Variants in EPG5 observed in about 807,000 individuals in gnomAD.
EPG5 encodes the protein ectopic P granules protein 5 homolog.
Under a neutral mutation model 302.7 loss-of-function variants are expected in EPG5, and 159 were observed. The observed-to-expected ratio is 0.53, with a 90% confidence interval of 0.46 to 0.60. The LOEUF (loss-of-function observed/expected upper bound fraction) is 0.60. EPG5 is among the 20% of genes least tolerant of loss of function. The pLI is 0.00. For synonymous variants in EPG5, 1,158 were observed against 1,136.8 expected (o/e 1.02, Z -0.37); for missense variants, 2,896 against 3,092.4 (o/e 0.94, Z 1.51).
At chr18:45,868,223 T>A (rs1178087249) in intron 36 of EPG5, 10 of 453,944 alleles carry the variant, frequency 2.2e-5, no homozygotes, top group Non-Finnish European at 4.0e-5. Context: ...AGGTATGGGT[T>A]GGGAGCCAGA....
intron 27 of EPG5, among the ~76,000 whole-genome samples, chr18:45,892,417 A>T (rs1298509629): frequency 6.6e-6 from 1 of 152,192 alleles, no homozygotes; most frequent in African/African-American, 2.4e-5. Flanking sequence ...TGGACACAGA[A>T]ATTTAAAAGT....
the EPG5 span, chr18:45,837,009 T>A: frequency 0.17 from 203,656 of 1,217,036 alleles, 24,085 homozygotes; most frequent in Admixed American, 0.44. Context: ...TAACCCGGGG[T>A]TAACTGTGTT....
At chr18:45,837,421 G>C in the EPG5 span, 17 of 1,386,908 alleles carry the variant, frequency 1.2e-5, no homozygotes, top group Non-Finnish European at 1.6e-5. Flanking sequence ...GGGGTTGGGG[G>C]AGCGTTTCCT....
intron 1 of EPG5, among the ~76,000 whole-genome samples, chr18:45,959,337 T>C (rs1174122356): frequency 6.7e-6 from 1 of 150,264 alleles, no homozygotes; most frequent in African/African-American, 2.5e-5. Flanking sequence ...TCAGACTCCA[T>C]CTCACAAAAT....
chr18:45,915,702 G>T, intron 19 of EPG5, 81 bp from the exon 20 acceptor site: 1 of 1,024,760 alleles, frequency 9.8e-7, no homozygotes, highest in Non-Finnish European at 1.5e-6. Context: ...ATCAGCAACT[G>T]TCTTACTACA....
intron 25 of EPG5, 90 bp downstream of exon 25, chr18:45,903,883 G>A (rs1206815599): frequency 7.6e-7 from 1 of 1,307,294 alleles, no homozygotes; most frequent in Non-Finnish European, 1.0e-6. Context: ...TGAACACTGG[G>A]GGAATAAAGT....
At chr18:45,937,281 T>C (rs943678434) in intron 10 of EPG5, among the ~76,000 whole-genome samples, 12 of 141,190 alleles carry the variant, frequency 8.5e-5, no homozygotes, top group African/African-American at 2.4e-4. Flanking sequence ...CACACACATA[T>C]GTATACACAC....
Position 45,913,265 on chromosome 18 carries a change from C to T in EPG5, c.3816+441G>A, listed in dbSNP as rs555601931. Among the ~76,000 whole-genome samples the T allele has an allele frequency of 1.5e-4, 23 of 152,246 alleles. No individual in the cohort carries two copies. In the South Asian group the frequency reaches 4.6e-3, roughly 30 times the overall value. On this transcript the variant is annotated intron_variant, in intron 21 of 43. Transcript: ENST00000282041. Reference sequence around the variant, plus strand: ...AGGCTCTGAAACCCAAAAGCAAAATCTATACTAAAATAGAAGGTCTTTAAA... The same window carrying T: ...AGGCTCTGAAACCCAAAAGCAAAATTTATACTAAAATAGAAGGTCTTTAAA...
rs763642437 is a variant in EPG5 at position 45,943,330 on chromosome 18, A to G, written c.1793-19T>C. 8.1e-6 allele frequency: 13 copies of G among 1,604,080 alleles called. No homozygotes were observed. In the East Asian group the frequency reaches 2.7e-4, roughly 33 times the overall value. ...TAATCACCTAGAAGTTAATCAGATA[A>G]AAGAAAAAAATCATAGTTACTATGA... On this transcript the variant is annotated intron_variant, in intron 8 of 43. Coordinates refer to ENST00000282041, the MANE Select transcript of EPG5 (RefSeq NM_020964.3).
intron 43 of EPG5, 51 bp from the exon 44 acceptor site, chr18:45,852,700 G>A (rs1420200974): frequency 1.3e-6 from 2 of 1,491,806 alleles, no homozygotes; most frequent in Non-Finnish European, 9.3e-7. Context: ...CACATAATGT[G>A]ACTGCCAGAG....
chr18:45,855,640 A>T lies in EPG5; in HGVS notation c.7490T>A (p.Val2497Asp). ...CAAACGGATCTGATCTTCCATAGGA[A>T]CCTGAACTGAAAGGAAGGCAGCCAT... ...RSMAAFLSVQ[V>D]PMEDQIRLRP... The change falls in exon 43 of 44, where the codon GTT (valine) becomes GAT (aspartate). Residue 2497 changes from valine (V) to aspartate (D), a missense_variant. Physicochemically the swap from Val to Asp is radical, Grantham distance 152. Around this residue, in one of 5 missense-constraint regions of EPG5, gnomAD observed 620 missense variants for 704.2 expected, o/e 0.88. Transcript: ENST00000282041. The T allele has an allele frequency of 6.2e-7, 1 of 1,614,206 alleles. No homozygotes were observed. The highest frequency in any genetic ancestry group is 8.5e-7 in the Non-Finnish European group (1 of 1,180,018).
rs937337268 is a variant in EPG5 at position 45,851,286 on chromosome 18, G to A, written c.*1181C>T. 1 of 152,212 alleles carries A rather than the reference G, an allele frequency of 6.6e-6. No individual in the cohort carries two copies. Among genetic ancestry groups the A allele is most frequent in the African/African-American group, 2.4e-5 (1 of 41,466 alleles). The allele number at this position is 152,212 out of a possible 1,614,324, so 9.4% of individuals were successfully genotyped here. On this transcript the variant is annotated 3_prime_UTR_variant, in exon 44 of 44. Transcript: ENST00000282041. Reference sequence around the variant, plus strand: ...AAAATCCATCTAGAGCTGATAGAATGAGGAACGTGGGAACAGAAGTCAAAC... The same window carrying A: ...AAAATCCATCTAGAGCTGATAGAATAAGGAACGTGGGAACAGAAGTCAAAC...
chr18:45,955,357 A>C lies in EPG5; in HGVS notation c.64-19T>G. On this transcript the variant is annotated intron_variant, in intron 1 of 43. Transcript: ENST00000282041. Reference sequence around the variant, plus strand: ...TCTTTTCCTAAAAACAACATACATAATGTGAAATAATTTATCACAATAATT... The same window carrying C: ...TCTTTTCCTAAAAACAACATACATACTGTGAAATAATTTATCACAATAATT... The C allele has an allele frequency of 6.9e-7, 1 of 1,438,880 alleles. No individual in the cohort carries two copies. Among genetic ancestry groups the C allele is most frequent in the Non-Finnish European group, 9.4e-7 (1 of 1,069,222 alleles). The allele number at this position is 1,438,880 out of a possible 1,614,324, so 89.1% of individuals were successfully genotyped here. A position where few individuals can be genotyped will look rare whatever the true frequency, so the allele number is the denominator to read the frequency against.
chr18:45,801,617 T>C, the EPG5 span, among the ~76,000 whole-genome samples: 1 of 152,180 alleles, frequency 6.6e-6, no homozygotes, highest in South Asian at 2.1e-4. Flanking sequence ...CACCCTCTTG[T>C]CATTCCTGTC....
chr18:45,952,273 T>C (rs1213404860), intron 3 of EPG5, 127 bp downstream of exon 3: 2 of 1,140,516 alleles, frequency 1.8e-6, no homozygotes, highest in South Asian at 1.5e-5. Flanking sequence ...GGGGGAGGCC[T>C]GGTAAAACTG....
chr18:45,848,647 C>T lies in EPG5; in HGVS notation c.*3820G>A, dbSNP rs535378990. ...AAGCAAGCACCAACTTAAATGTATG[C>T]CCCAGGTGCCTCATTTGTCTCACCC... On this transcript the variant is annotated 3_prime_UTR_variant, in exon 44 of 44. Transcript: ENST00000282041. The T allele has an allele frequency of 6.6e-6, 1 of 152,392 alleles. No homozygotes were observed. The highest frequency in any genetic ancestry group is 1.9e-4 in the East Asian group (1 of 5,184). 9.4% of individuals were successfully genotyped at this position (152,392 alleles called of 1,614,324 possible). A position where few individuals can be genotyped will look rare whatever the true frequency, so the allele number is the denominator to read the frequency against.
the EPG5 span, among the ~76,000 whole-genome samples, chr18:45,824,841 G>A: frequency 6.6e-6 from 1 of 152,064 alleles, no homozygotes; most frequent in Non-Finnish European, 1.5e-5. Context: ...CAGGCTCTGT[G>A]GGCCTGTTGA....
chr18:45,840,265 C>A, the EPG5 span: 2 of 1,607,338 alleles, frequency 1.2e-6, no homozygotes, highest in Non-Finnish European at 1.7e-6. Flanking sequence ...CCGCCTCCAC[C>A]CTACCCTACC....
intron 16 of EPG5, among the ~76,000 whole-genome samples, chr18:45,920,720 G>A (rs2145746247): frequency 6.6e-6 from 1 of 152,312 alleles, no homozygotes; most frequent in South Asian, 2.1e-4. Flanking sequence ...AGACATTCAT[G>A]AGGGATCAGC....
Sources: allele counts gnomAD v4.1 joint callset (sites outside exome capture counted in the v4.1 genomes callset), GRCh38; gene constraint gnomAD v4.1.1; regional missense constraint gnomAD v4.1.1; transcripts MANE v1.5; gene names NCBI Gene and HGNC (gene_info 2026-07-23, HGNC 2026-07-21).